The following NEGR1 variants were observed in gnomAD, a reference collection of about 807,000 sequenced individuals.
The protein encoded by NEGR1 is IgLON family member 4.
NEGR1 carries 10 observed loss-of-function variants against 40.9 expected under a neutral mutation model. That is an observed-to-expected ratio of 0.24 (90% CI 0.15 to 0.42). The LOEUF (loss-of-function observed/expected upper bound fraction) is 0.42. Ranked by LOEUF, NEGR1 falls within the 10% of genes least tolerant of loss-of-function variation. The probability of loss-of-function intolerance (pLI) is 1.00; values close to 1 mark genes in which losing one functional copy is unlikely to be tolerated. For synonymous variants in NEGR1, 185 were observed against 166.8 expected (o/e 1.11, Z -0.84); for missense variants, 352 against 438.9 (o/e 0.80, Z 1.77).
At chr1:71,449,671 A>G (rs754332281) in intron 6 of NEGR1, among the ~76,000 whole-genome samples, 39 of 152,192 alleles carry the variant, frequency 2.6e-4, no homozygotes, top group Non-Finnish European at 3.5e-4. Flanking sequence ...CATGTACATT[A>G]TATCACTTAA....
chr1:71,579,304 G>A (rs545979729), intron 6 of NEGR1, among the ~76,000 whole-genome samples: 15 of 152,084 alleles, frequency 9.9e-5, no homozygotes, highest in Admixed American at 7.2e-4. Context: ...TGTGATAATT[G>A]CTTGTGTTGC....
chr1:71,421,674 A>C (rs1646395775), intron 6 of NEGR1, among the ~76,000 whole-genome samples: 1 of 152,148 alleles, frequency 6.6e-6, no homozygotes, highest in Non-Finnish European at 1.5e-5. Context: ...AATTGCCAAA[A>C]AAAAATTCTA....
intron 1 of NEGR1, among the ~76,000 whole-genome samples, chr1:72,024,424 C>A (rs561700903): frequency 6.6e-6 from 1 of 151,798 alleles, no homozygotes. Flanking sequence ...AAAGAAAATT[C>A]TTCATATTAA....
chr1:71,736,290 A>C (rs1331512644), intron 3 of NEGR1, among the ~76,000 whole-genome samples: 1 of 152,114 alleles, frequency 6.6e-6, no homozygotes, highest in Admixed American at 6.6e-5. Context: ...TATGTCTAAA[A>C]TGTGGTCTGG....
intron 3 of NEGR1, among the ~76,000 whole-genome samples, chr1:71,739,475 A>G (rs567000313): frequency 6.6e-6 from 1 of 152,012 alleles, no homozygotes; most frequent in South Asian, 2.1e-4. Flanking sequence ...AACCCTGACT[A>G]ATACACCCCC....
At chr1:71,766,710 G>C (rs1260243707) in intron 3 of NEGR1, among the ~76,000 whole-genome samples, 1 of 152,152 alleles carries the variant, frequency 6.6e-6, no homozygotes, top group East Asian at 1.9e-4. Context: ...CCCCACTCAA[G>C]TCTCATGTGG....
chr1:72,084,122 G>A (rs1198097958), intron 1 of NEGR1, among the ~76,000 whole-genome samples: 2 of 151,882 alleles, frequency 1.3e-5, no homozygotes, highest in African/African-American at 4.8e-5. Context: ...TTTACAGGAA[G>A]TAACATATTT....
intron 4 of NEGR1, among the ~76,000 whole-genome samples, chr1:71,618,217 C>T (rs191518326): frequency 6.6e-6 from 1 of 152,110 alleles, no homozygotes; most frequent in Non-Finnish European, 1.5e-5. Flanking sequence ...GCATTACTTC[C>T]TAATCACAAA....
chr1:71,982,178 T>C (rs1383679897), intron 1 of NEGR1, among the ~76,000 whole-genome samples: 1 of 152,196 alleles, frequency 6.6e-6, no homozygotes, highest in South Asian at 2.1e-4. Context: ...ATCTCTCTTT[T>C]TTTCAGACTT....
At chr1:72,227,015 C>T (rs1654212849) in intron 1 of NEGR1, among the ~76,000 whole-genome samples, 1 of 151,964 alleles carries the variant, frequency 6.6e-6, no homozygotes, top group South Asian at 2.1e-4. Context: ...TCATCAAATA[C>T]TATGTTTAAA....
intron 1 of NEGR1, among the ~76,000 whole-genome samples, chr1:72,208,393 A>T (rs1204894299): frequency 1.3e-5 from 2 of 151,784 alleles, no homozygotes; most frequent in African/African-American, 2.4e-5. Context: ...AATGGGACTC[A>T]GTTTTACTGC....
intron 1 of NEGR1, among the ~76,000 whole-genome samples, chr1:72,098,015 GATC>G (rs1420177107): frequency 6.6e-6 from 1 of 152,094 alleles, no homozygotes; most frequent in African/African-American, 2.4e-5. Flanking sequence ...TAAAACCTCT[GATC>G]ATAATTCTTC....
rs561554280 is a variant in NEGR1, at chr1:72,104,249, T to C, written c.177-168938A>G. On this transcript the variant is annotated intron_variant, in intron 1 of 6. Transcript: ENST00000357731. Reference sequence around the variant, plus strand: ...GCAAAAGTAACTCTGTAGATGTGATTAAGTTAAGGGTTGTGATACTGGGAG... The same window carrying C: ...GCAAAAGTAACTCTGTAGATGTGATCAAGTTAAGGGTTGTGATACTGGGAG... Among the ~76,000 whole-genome samples the C allele has an allele frequency of 2.6e-5, 4 of 152,252 alleles. No individual in the cohort carries two copies. In the South Asian group the frequency reaches 8.3e-4, roughly 32 times the overall value.
At chr1:72,185,954 T>C (rs957778145) in intron 1 of NEGR1, among the ~76,000 whole-genome samples, 4 of 151,852 alleles carry the variant, frequency 2.6e-5, no homozygotes, top group African/African-American at 9.7e-5. Context: ...TGCATGTCTT[T>C]ATTCTTTAGA....
intron 1 of NEGR1, among the ~76,000 whole-genome samples, chr1:72,132,618 T>C (rs1650300343): frequency 6.6e-6 from 1 of 152,188 alleles, no homozygotes; most frequent in African/African-American, 2.4e-5. Flanking sequence ...ACTATTACCG[T>C]AGGGTGACTT....
At chr1:71,787,785 C>A (rs1656965734) in intron 2 of NEGR1, among the ~76,000 whole-genome samples, 1 of 152,172 alleles carries the variant, frequency 6.6e-6, no homozygotes, top group South Asian at 2.1e-4. Context: ...TCTTCATGGT[C>A]TGGATTCAGC....
At chr1:72,108,196 A>G (rs558017991) in intron 1 of NEGR1, among the ~76,000 whole-genome samples, 1 of 151,790 alleles carries the variant, frequency 6.6e-6, no homozygotes, top group Admixed American at 6.6e-5. Context: ...TAAATCCATA[A>G]GATGGGATAT....
At chr1:71,597,472 C>CTCTCTCTTTGTGTGTGTGTGTGTGTGTG (rs756076229) in intron 5 of NEGR1, among the ~76,000 whole-genome samples, 1 of 31,326 alleles carries the variant, frequency 3.2e-5, no homozygotes, top group African/African-American at 1.0e-4. Flanking sequence ...CTCTCTCTCT[C>CTCTCTCTTTGTGTGTGTGTGTGTGTGTG]TGTGTGTGTG....
intron 6 of NEGR1, among the ~76,000 whole-genome samples, chr1:71,442,226 C>CTTTTTTTTTTTTTTTTTTTTTTTTTT: frequency 1.2e-5 from 1 of 84,984 alleles, no homozygotes; most frequent in Non-Finnish European, 2.2e-5. Context: ...GGTAGCATTC[C>CTTTTTTTTTTTTTTTTTTTTTTTTTT]TTTTTTTTTT....
Sources: gnomAD v4.1 joint callset for allele counts (sites outside exome capture counted in the v4.1 genomes callset) on GRCh38, gnomAD v4.1.1 for gene constraint, MANE v1.5 for transcripts, NCBI Gene and HGNC (gene_info 2026-07-23, HGNC 2026-07-21) for gene names.